HEATR3: variants seen among roughly 807,000 people sequenced by gnomAD.
The protein encoded by HEATR3 is HEAT repeat containing 3.
In HEATR3, 56 loss-of-function variants were observed where a neutral mutation model predicts 72.8. The ratio of observed to expected loss-of-function variants is 0.77; its 90% CI spans 0.62 to 0.96. The LOEUF (loss-of-function observed/expected upper bound fraction) is 0.96, where lower values mean the gene tolerates loss of function less well. Ranked by LOEUF, HEATR3 falls within the 40% of genes least tolerant of loss-of-function variation. HEATR3 has a pLI of 0.00. For synonymous variants in HEATR3, 331 were observed against 318.1 expected (o/e 1.04, Z -0.43); for missense variants, 747 against 831.4 (o/e 0.90, Z 1.25).
intron 4 of HEATR3, among the ~76,000 whole-genome samples, chr16:50,072,355 A>G (rs189719618): frequency 3.3e-5 from 5 of 152,304 alleles, no homozygotes; most frequent in East Asian, 1.9e-4. Context: ...AACCTTCTAT[A>G]AGGAAACTGG....
At chr16:50,085,941 T>A (rs1206046339) in intron 10 of HEATR3, among the ~76,000 whole-genome samples, 1 of 151,948 alleles carries the variant, frequency 6.6e-6, no homozygotes, top group African/African-American at 2.4e-5. Flanking sequence ...GGCAGGAGGA[T>A]CACTTGTGCT....
chr16:50,101,123 T>TC (rs1278399267), intron 13 of HEATR3, among the ~76,000 whole-genome samples: 7 of 151,894 alleles, frequency 4.6e-5, no homozygotes, highest in Non-Finnish European at 1.0e-4. Flanking sequence ...TTTTTTCTTT[T>TC]TTTTTCTGAG....
At chr16:50,095,272 A>G (rs576147537) in intron 12 of HEATR3, among the ~76,000 whole-genome samples, 14 of 151,774 alleles carry the variant, frequency 9.2e-5, no homozygotes, top group African/African-American at 2.7e-4. Flanking sequence ...CGTCACCACA[A>G]AATTTTTGTA....
chr16:50,094,603 T>C (rs1786790606), intron 11 of HEATR3, 102 bp from the exon 12 acceptor site: 1 of 649,062 alleles, frequency 1.5e-6, no homozygotes, highest in African/African-American at 1.9e-5. Context: ...TTATTAAGAA[T>C]AGCATTTATT....
rs1473796004 is a variant in HEATR3 at position 50,066,141 on chromosome 16, A to G, written c.10A>G (p.Ser4Gly). MGK[S>G]RTKRFKRPQF... ...CCCAGCGCACGTCACCATGGGCAAG[A>G]GCCGGACGAAGCGCTTCAAGCGACC... The change falls in exon 1 of 15, where the codon AGC (serine) becomes GGC (glycine). Residue 4 changes from serine (S) to glycine (G), a missense_variant. Coordinates refer to ENST00000299192, the MANE Select transcript of HEATR3 (RefSeq NM_182922.4). 1 of 1,595,536 alleles carries G rather than the reference A, an allele frequency of 6.3e-7. No homozygotes were observed. Among genetic ancestry groups the G allele is most frequent in the Non-Finnish European group, 8.5e-7 (1 of 1,172,914 alleles).
intron 11 of HEATR3, among the ~76,000 whole-genome samples, chr16:50,087,072 G>C (rs2356838): frequency 0.68 from 103,510 of 152,048 alleles, 35,535 homozygotes; most frequent in South Asian, 0.72. Context: ...TCCTTTCTCC[G>C]ACACCCAGTT....
At chr16:50,104,040 C>CA (rs1490621448) in intron 14 of HEATR3, among the ~76,000 whole-genome samples, 1 of 151,622 alleles carries the variant, frequency 6.6e-6, no homozygotes, top group Non-Finnish European at 1.5e-5. Flanking sequence ...CTATTAAAAA[C>CA]AAAAAACAAG....
chr16:50,077,571 A>T (rs907311140), intron 6 of HEATR3, among the ~76,000 whole-genome samples: 3 of 152,106 alleles, frequency 2.0e-5, no homozygotes, highest in African/African-American at 7.2e-5. Flanking sequence ...TTTAAACACA[A>T]TTTTTCCCAT....
chr16:50,098,317 AG>A (rs1474180611), intron 12 of HEATR3: 5 of 152,140 alleles, frequency 3.3e-5, no homozygotes, highest in African/African-American at 1.2e-4. Context: ...GTGTCACTGA[AG>A]TTGGTATACA....
rs1018272709 is a variant in HEATR3 at position 50,105,205 on chromosome 16, C to T, written c.*144C>T. On this transcript the variant is annotated 3_prime_UTR_variant, in exon 15 of 15. Transcript: ENST00000299192. ...TTCTGTAAAAACTTCAAAACCTGGC[C>T]AGGCATGGTGGCTCACGCCTATAAT... 1 of 886,946 alleles carries T rather than the reference C, an allele frequency of 1.1e-6. No individual in the cohort carries two copies. Among genetic ancestry groups the T allele is most frequent in the Non-Finnish European group, 1.7e-6 (1 of 591,884 alleles). 54.9% of individuals were successfully genotyped at this position (886,946 alleles called of 1,614,324 possible).
chr16:50,104,181 C>G (rs1488703346), intron 14 of HEATR3, among the ~76,000 whole-genome samples: 1 of 152,104 alleles, frequency 6.6e-6, no homozygotes, highest in African/African-American at 2.4e-5. Flanking sequence ...GAGACCCCAC[C>G]TCTACTAAAA....
chr16:50,072,422 T>C (rs1024259272), intron 4 of HEATR3, among the ~76,000 whole-genome samples, 183 bp from the exon 5 acceptor site: 1 of 152,216 alleles, frequency 6.6e-6, no homozygotes, highest in Non-Finnish European at 1.5e-5. Flanking sequence ...AAAATATAGA[T>C]AGCCAGTTCT....
Position 50,066,368 on chromosome 16 carries a change from T to C in HEATR3, c.140T>C (p.Leu47Pro). The C allele has an allele frequency of 6.5e-7, 1 of 1,549,116 alleles. No homozygotes were observed. Among genetic ancestry groups the C allele is most frequent in the Non-Finnish European group, 8.6e-7 (1 of 1,158,734 alleles). ...GACCCTTTTCGCTCTCATCCGCAGC[T>C]CCAGCACCCGAGCGCCGAGGTCCGC... The part of the protein sequence containing the change: ...DGPAAELLEK[L>P]QHPSAEVREC... Residue 47 changes from leucine to proline, a missense_variant and splice_region_variant, in exon 2 of 15, where the codon CTC (leucine) becomes CCC (proline). Physicochemically the swap from Leu to Pro is moderately conservative, Grantham distance 98 (BLOSUM62 -3). Transcript: ENST00000299192.
chr16:50,092,753 T>TTC (rs2037148406), intron 11 of HEATR3, among the ~76,000 whole-genome samples: 1 of 125,192 alleles, frequency 8.0e-6, no homozygotes, highest in Admixed American at 8.4e-5. Flanking sequence ...AAGGTCATTC[T>TTC]TTTAGCTTGT....
rs867776891 is a variant in HEATR3 at position 50,106,803 on chromosome 16, G to A, written c.*1742G>A. On this transcript the variant is annotated 3_prime_UTR_variant, in exon 15 of 15. Coordinates refer to ENST00000299192, the MANE Select transcript of HEATR3 (RefSeq NM_182922.4). The stretch of plus-strand genomic sequence containing the variant: ...TAGTGTTAGATTTCATCTGCACTGT[G>A]ATGTATTTTACAGTTTTCACCTATA... 6.6e-6 allele frequency among the ~76,000 whole-genome samples: 1 copy of A among 152,248 alleles called. No individual in the cohort carries two copies. Among genetic ancestry groups the A allele is most frequent in the Middle Eastern group, 3.4e-3 (1 of 294 alleles).
intron 11 of HEATR3, among the ~76,000 whole-genome samples, chr16:50,093,080 A>T (rs1435730760): frequency 6.6e-6 from 1 of 152,162 alleles, no homozygotes; most frequent in Non-Finnish European, 1.5e-5. Flanking sequence ...TTATTCTGTG[A>T]TCATTACGGG....
rs964464122 is a variant in HEATR3 at position 50,106,080 on chromosome 16, G to A, written c.*1019G>A. 6.6e-6 allele frequency: 1 copy of A among 152,184 alleles called. No homozygotes were observed. Among genetic ancestry groups the A allele is most frequent in the Non-Finnish European group, 1.5e-5 (1 of 68,032 alleles). The allele number at this position is 152,184 out of a possible 1,614,324, so 9.4% of individuals were successfully genotyped here. ...ATTTTGCAAAGAAAGAAAATCCAAAGCATTGCTTGGATGTTCTTTTAAGGC... is the reference window on the plus strand; with the variant it reads ...ATTTTGCAAAGAAAGAAAATCCAAAACATTGCTTGGATGTTCTTTTAAGGC... On this transcript the variant is annotated 3_prime_UTR_variant, in exon 15 of 15. Coordinates refer to ENST00000299192, the MANE Select transcript of HEATR3 (RefSeq NM_182922.4).
At chr16:50,072,007 C>T (rs1282929624) in intron 4 of HEATR3, among the ~76,000 whole-genome samples, 1 of 152,116 alleles carries the variant, frequency 6.6e-6, no homozygotes, top group African/African-American at 2.4e-5. Flanking sequence ...ATTATAATTG[C>T]ACTCTAAAAG....
In HEATR3 at chr16:50,075,433, A is replaced by G. The variant is rs114046790; in HGVS notation, c.623-138A>G. ...TCATTTGCGCATATCACCCTGAGAT[A>G]AAGCATATATATTTTGCAAAACCTA... On this transcript the variant is annotated intron_variant, in intron 5 of 14. Transcript: ENST00000299192. 606 of 642,814 alleles carry G rather than the reference A, an allele frequency of 9.4e-4. 2 individuals carry two copies. The African/African-American group carries it at 9.8e-3, about 10-fold the overall frequency. 39.8% of individuals were successfully genotyped at this position (642,814 alleles called of 1,614,324 possible).
Sources: allele counts gnomAD v4.1 joint callset (sites outside exome capture counted in the v4.1 genomes callset), GRCh38; gene constraint gnomAD v4.1.1; transcripts MANE v1.5; gene names NCBI Gene and HGNC (gene_info 2026-07-23, HGNC 2026-07-21).